The following TFB2M variants were observed in gnomAD, a reference collection of about 807,000 sequenced individuals.
TFB2M encodes transcription factor B2, mitochondrial, also known as dimethyladenosine transferase 2, mitochondrial.
TFB2M carries 44 observed loss-of-function variants against 41.3 expected under a neutral mutation model. That is an observed-to-expected ratio of 1.07 (90% CI 0.84 to 1.37). The LOEUF is 1.37. TFB2M is among the 40% of genes most tolerant of loss of function. The probability of loss-of-function intolerance (pLI) is 0.00; values close to 1 mark genes in which losing one functional copy is unlikely to be tolerated. For missense variants in TFB2M, 496 were observed against 490.2 expected (o/e 1.01, Z -0.11); for synonymous variants, 188 against 176.8 (o/e 1.06, Z -0.50).
intron 4 of TFB2M, among the ~76,000 whole-genome samples, chr1:246,551,738 G>A (rs1410353405): frequency 6.6e-6 from 1 of 152,158 alleles, no homozygotes; most frequent in Non-Finnish European, 1.5e-5. Flanking sequence ...AAAGGACGAG[G>A]TTACCTCAAC....
Position 246,544,670 on chromosome 1 carries a change from G to A in TFB2M, c.870C>T (p.Asp290=), listed in dbSNP as rs1658951307. Residue 290 remains aspartate (D), a synonymous_variant, in exon 7 of 8, where the codon GAC becomes GAT. Transcript: ENST00000366514. Reference sequence around the variant, plus strand: ...TAAGATACAGCTTTTGTTGTAATTGGTCTAATAATTCCTGGAGAGAAGAAA... The same window carrying A: ...TAAGATACAGCTTTTGTTGTAATTGATCTAATAATTCCTGGAGAGAAGAAA... The part of the protein sequence containing the change: ...LENPKRRELL[D]QLQQKLYLIQ... 6.3e-7 allele frequency: 1 copy of A among 1,592,660 alleles called. No individual in the cohort carries two copies. The highest frequency in any genetic ancestry group is 8.5e-7 in the Non-Finnish European group (1 of 1,174,716).
chr1:246,563,604 TAA>T (rs755009707), intron 2 of TFB2M, among the ~76,000 whole-genome samples: 5 of 138,188 alleles, frequency 3.6e-5, no homozygotes, highest in African/African-American at 5.3e-5. Flanking sequence ...AACTCCATCT[TAA>T]AAAAAAAAAA....
chr1:246,542,375 G>T (rs1572082118), intron 7 of TFB2M, among the ~76,000 whole-genome samples: 1 of 151,812 alleles, frequency 6.6e-6, no homozygotes. Flanking sequence ...AACAACAATT[G>T]TAAAAAAATA....
chr1:246,550,392 G>T (rs1219622188), intron 5 of TFB2M, among the ~76,000 whole-genome samples: 2 of 152,006 alleles, frequency 1.3e-5, no homozygotes, highest in Non-Finnish European at 2.9e-5. Flanking sequence ...GAAAGACAAG[G>T]ATCAGAGATC....
chr1:246,545,014 C>T (rs560313605), intron 6 of TFB2M, among the ~76,000 whole-genome samples: 5 of 151,824 alleles, frequency 3.3e-5, no homozygotes, highest in Non-Finnish European at 5.9e-5. Context: ...ACCGTGTTAG[C>T]CAGGATGGTC....
chr1:246,557,418 A>G lies in TFB2M; in HGVS notation c.519T>C (p.Phe173=), dbSNP rs756012459. Residue 173 remains phenylalanine (F), a synonymous_variant, in exon 3 of 8, where the codon TTT becomes TTC. Transcript: ENST00000366514. ...GAACTGCTTCTATTCCCAAATTCTT[A>G]AAGAGCCCTCGAGAAGACATAGCAG... ...KPPAMSSRGL[F]KNLGIEAVPW... is the part of the protein sequence containing the mutation. 1 of 1,613,246 alleles carries G rather than the reference A, an allele frequency of 6.2e-7. No individual in the cohort carries two copies.
intron 4 of TFB2M, among the ~76,000 whole-genome samples, chr1:246,555,414 C>T (rs111682053): frequency 2.6e-5 from 4 of 152,036 alleles, no homozygotes; most frequent in African/African-American, 9.7e-5. Context: ...ATGGCAAGAC[C>T]CTATCGCTAC....
chr1:246,542,603 T>C (rs1485362631), intron 7 of TFB2M, among the ~76,000 whole-genome samples: 2 of 152,084 alleles, frequency 1.3e-5, no homozygotes, highest in African/African-American at 4.8e-5. Flanking sequence ...AGCAAGGGGT[T>C]TGTGGTTGCA....
rs1172105022 is a variant in TFB2M, at chr1:246,566,209, C to A, written c.-71G>T. ...CTACAGTGAACCCCACGCAGGGTATCCCACGTGGAACATTTTCTGGCGTCC... is the reference window on the plus strand; with the variant it reads ...CTACAGTGAACCCCACGCAGGGTATACCACGTGGAACATTTTCTGGCGTCC... On this transcript the variant is annotated 5_prime_UTR_variant, in exon 1 of 8. Transcript: ENST00000366514. 2.0e-6 allele frequency: 3 copies of A among 1,490,454 alleles called. No homozygotes were observed. Among genetic ancestry groups the A allele is most frequent in the South Asian group, 2.6e-5 (2 of 78,338 alleles). The allele number at this position is 1,490,454 out of a possible 1,614,324, so 92.3% of individuals were successfully genotyped here.
At chr1:246,549,643 T>G (rs1478807303) in intron 5 of TFB2M, among the ~76,000 whole-genome samples, 4 of 152,088 alleles carry the variant, frequency 2.6e-5, no homozygotes, top group African/African-American at 9.7e-5. Context: ...TACATACCCA[T>G]AACCATATTA....
chr1:246,548,656 C>A, intron 5 of TFB2M, 49 bp from the exon 6 acceptor site: 2 of 1,561,284 alleles, frequency 1.3e-6, no homozygotes, highest in South Asian at 2.3e-5. Flanking sequence ...TCTCTTTGGT[C>A]AAAGTGCCCC....
chr1:246,563,200 C>T (rs893539227), intron 2 of TFB2M, among the ~76,000 whole-genome samples: 6 of 119,166 alleles, frequency 5.0e-5, no homozygotes, highest in Non-Finnish European at 1.0e-4. Flanking sequence ...TCTCTGAACA[C>T]ACTTTTTTTT....
intron 6 of TFB2M, 66 bp downstream of exon 6, chr1:246,548,479 T>TA (rs201979968): frequency 0.021 from 26,151 of 1,232,442 alleles, 1 homozygote; most frequent in East Asian, 0.03. Flanking sequence ...CAAATAGTCC[T>TA]AAAAAAATAA....
Position 246,541,112 on chromosome 1 carries a change from G to A in TFB2M, c.1110C>T (p.Phe370=), listed in dbSNP as rs1658842306. Residue 370 remains phenylalanine (F), a synonymous_variant, in exon 8 of 8, where the codon TTC becomes TTT. Coordinates refer to ENST00000366514, the MANE Select transcript of TFB2M (RefSeq NM_022366.3). ...GCTCTATAGTTTCAAAAAGTGTTTT[G>A]AAGTCTTGAGGGTGCATGTTAACTA... ...EKVVNMHPQD[F]KTLFETIERS... is the part of the protein sequence containing the mutation. 3 of 1,614,118 alleles carry A rather than the reference G, an allele frequency of 1.9e-6. No homozygotes were observed. Among genetic ancestry groups the A allele is most frequent in the Non-Finnish European group, 2.5e-6 (3 of 1,180,000 alleles).
intron 2 of TFB2M, among the ~76,000 whole-genome samples, chr1:246,561,791 C>T (rs1659463059): frequency 6.6e-6 from 1 of 152,154 alleles, no homozygotes; most frequent in African/African-American, 2.4e-5. Flanking sequence ...TAGAAAAAAG[C>T]AACTACTGTG....
At chr1:246,557,268 A>C in intron 3 of TFB2M, 113 bp downstream of exon 3, 1 of 1,228,842 alleles carries the variant, frequency 8.1e-7, no homozygotes, top group Non-Finnish European at 1.1e-6. Context: ...GTGAGACTCC[A>C]TCTCAGAAAA....
chr1:246,562,801 A>C (rs564420829), intron 2 of TFB2M, among the ~76,000 whole-genome samples: 153 of 152,220 alleles, frequency 1.0e-3, no homozygotes, highest in African/African-American at 3.6e-3. Flanking sequence ...CTGGGACTAC[A>C]GGCATGCGCC....
chr1:246,547,413 G>A (rs1659053049), intron 6 of TFB2M, among the ~76,000 whole-genome samples: 1 of 152,196 alleles, frequency 6.6e-6, no homozygotes, highest in African/African-American at 2.4e-5. Context: ...GTATCCAAAT[G>A]TACTGTATTA....
chr1:246,550,578 T>C (rs1210882331), intron 5 of TFB2M, among the ~76,000 whole-genome samples: 2 of 152,150 alleles, frequency 1.3e-5, no homozygotes, highest in Admixed American at 6.5e-5. Flanking sequence ...ATCCACATTG[T>C]AAATATTTAA....
Sources: allele counts gnomAD v4.1 joint callset (sites outside exome capture counted in the v4.1 genomes callset), GRCh38; gene constraint gnomAD v4.1.1; transcripts MANE v1.5; gene names NCBI Gene and HGNC (gene_info 2026-07-23, HGNC 2026-07-21).